The following COL21A1 variants were observed in gnomAD, a reference collection of about 807,000 sequenced individuals.
COL21A1 encodes the protein collagen alpha-1(XXI) chain.
COL21A1 carries 149 observed loss-of-function variants against 137.9 expected under a neutral mutation model. The observed-to-expected ratio is 1.08, with a 90% CI of 0.95 to 1.24. The LOEUF is 1.24. Among genes scored for constraint, COL21A1 ranks in the 50% most tolerant of loss-of-function variants. COL21A1 has a pLI of 0.00. For synonymous variants in COL21A1, 456 were observed against 391.5 expected (o/e 1.16, Z -1.95); for missense variants, 1,167 against 1,158.4 (o/e 1.01, Z -0.11).
intron 1 of COL21A1, among the ~76,000 whole-genome samples, chr6:56,351,447 GA>G (rs1326962190): frequency 1.3e-5 from 2 of 152,190 alleles, no homozygotes; most frequent in Non-Finnish European, 2.9e-5. Context: ...AAACTGTTAA[GA>G]AAATCCATCT....
intron 1 of COL21A1, among the ~76,000 whole-genome samples, chr6:56,332,949 T>C (rs920163341): frequency 1.3e-5 from 2 of 152,094 alleles, no homozygotes; most frequent in African/African-American, 4.8e-5. Context: ...CTCAATATTT[T>C]ACCAACTTGT....
intron 1 of COL21A1, among the ~76,000 whole-genome samples, chr6:56,209,305 T>C (rs1254051213): frequency 6.6e-6 from 1 of 152,112 alleles, no homozygotes; most frequent in Non-Finnish European, 1.5e-5. Flanking sequence ...AAAGAGCTTC[T>C]GCACAGCAAA....
intron 1 of COL21A1, chr6:56,276,755 C>T (rs1763667559): frequency 1.6e-6 from 2 of 1,258,540 alleles, no homozygotes; most frequent in African/African-American, 1.5e-5. Flanking sequence ...GTATCCAAAT[C>T]ATCTCTACTT....
chr6:56,199,144 T>C (rs1779216932), intron 1 of COL21A1, among the ~76,000 whole-genome samples: 1 of 152,040 alleles, frequency 6.6e-6, no homozygotes. Flanking sequence ...AGCCTGCTTG[T>C]GATGGTAACT....
chr6:56,205,255 G>A (rs1046829187), intron 1 of COL21A1, among the ~76,000 whole-genome samples: 1 of 152,122 alleles, frequency 6.6e-6, no homozygotes, highest in Admixed American at 6.5e-5. Flanking sequence ...TAGACAAATT[G>A]ATAACTAGAA....
chr6:56,180,716 A>G (rs1411444160), intron 2 of COL21A1, among the ~76,000 whole-genome samples: 2 of 152,238 alleles, frequency 1.3e-5, no homozygotes, highest in Non-Finnish European at 2.9e-5. Flanking sequence ...ACAAATGCTA[A>G]CATGCTAAAT....
At chr6:56,358,362 T>C (rs780933318) in intron 1 of COL21A1, among the ~76,000 whole-genome samples, 3 of 152,058 alleles carry the variant, frequency 2.0e-5, no homozygotes, top group Non-Finnish European at 2.9e-5. Context: ...CCAAACCAAG[T>C]TTGAGACAGA....
In COL21A1 at chr6:56,179,821, G is replaced by C; in HGVS notation, c.397C>G (p.Arg133Gly). The C allele has an allele frequency of 6.2e-7, 1 of 1,613,912 alleles. No homozygotes were observed. Among genetic ancestry groups the C allele is most frequent in the Non-Finnish European group, 8.5e-7 (1 of 1,179,866 alleles). ...ALDYLFAKSS[R>G]FLTKIAVVLT... Reference sequence around the variant, plus strand: ...ACCACTGCTATCTTAGTCAGAAATCGTGAGGACTTGGCAAAAAGGTAATCG... The same window carrying C: ...ACCACTGCTATCTTAGTCAGAAATCCTGAGGACTTGGCAAAAAGGTAATCG... The change falls in exon 3 of 30, where the codon CGA (arginine) becomes GGA (glycine). Residue 133 changes from arginine to glycine, a missense_variant. Coordinates refer to ENST00000244728, the MANE Select transcript of COL21A1 (RefSeq NM_030820.4).
At chr6:56,090,235 C>A (rs1046458936) in intron 17 of COL21A1, among the ~76,000 whole-genome samples, 3 of 151,970 alleles carry the variant, frequency 2.0e-5, no homozygotes, top group African/African-American at 4.8e-5. Flanking sequence ...AAGACTCCAT[C>A]GAAGAAAAAA....
intron 12 of COL21A1, among the ~76,000 whole-genome samples, chr6:56,141,274 C>T (rs921208157): frequency 6.6e-6 from 1 of 152,078 alleles, no homozygotes; most frequent in African/African-American, 2.4e-5. Flanking sequence ...AGAAGGAAAT[C>T]CTGTCATTTT....
At chr6:56,241,490 C>T (rs1056188726) in intron 1 of COL21A1, among the ~76,000 whole-genome samples, 1 of 152,150 alleles carries the variant, frequency 6.6e-6, no homozygotes, top group Non-Finnish European at 1.5e-5. Flanking sequence ...CATTTCAAAA[C>T]TCAGCCTAGT....
At chr6:56,147,526 C>CTAATAGTA (rs1774927242) in intron 10 of COL21A1, among the ~76,000 whole-genome samples, 1 of 151,694 alleles carries the variant, frequency 6.6e-6, no homozygotes, top group East Asian at 1.9e-4. Context: ...TATCACCAAC[C>CTAATAGTA]GAGAACTCTA....
intron 1 of COL21A1, among the ~76,000 whole-genome samples, chr6:56,289,222 A>G (rs750939655): frequency 1.3e-4 from 20 of 152,190 alleles, no homozygotes; most frequent in Non-Finnish European, 2.1e-4. Context: ...TGCATTAAGC[A>G]CCATGCTAGC....
At chr6:56,251,525 G>A (rs1267259866), upstream of COL21A1, among the ~76,000 whole-genome samples, 2 of 152,200 alleles carry the variant, frequency 1.3e-5, no homozygotes, top group African/African-American at 4.8e-5. Context: ...TTGGGATGTA[G>A]CTATGAGCAA....
chr6:56,242,806 G>A (rs952222486), intron 1 of COL21A1, among the ~76,000 whole-genome samples: 1 of 152,074 alleles, frequency 6.6e-6, no homozygotes, highest in Non-Finnish European at 1.5e-5. Context: ...TGCTTTCAGT[G>A]CTCTTTAATT....
chr6:56,129,536 C>A (rs1392948238), intron 12 of COL21A1, among the ~76,000 whole-genome samples: 2 of 152,170 alleles, frequency 1.3e-5, no homozygotes, highest in African/African-American at 4.8e-5. Context: ...ACCCACCTAA[C>A]AAATACAAAG....
At chr6:56,337,581 ATCT>A (rs1765359281) in intron 1 of COL21A1, among the ~76,000 whole-genome samples, 1 of 152,232 alleles carries the variant, frequency 6.6e-6, no homozygotes, top group Non-Finnish European at 1.5e-5. Context: ...ATTGAGGCCC[ATCT>A]TGGGCCTCCC....
chr6:56,280,616 A>G (rs1198378189), intron 1 of COL21A1, among the ~76,000 whole-genome samples: 1 of 152,218 alleles, frequency 6.6e-6, no homozygotes, highest in Non-Finnish European at 1.5e-5. Context: ...TGTGGCTTGC[A>G]TACTTCTTGA....
At chr6:56,098,341 G>A (rs1401747100) in intron 17 of COL21A1, among the ~76,000 whole-genome samples, 37 of 19,442 alleles carry the variant, frequency 1.9e-3, no homozygotes, top group South Asian at 4.7e-3. Flanking sequence ...AAACACATAT[G>A]TAAATATATA....
Sources: gnomAD v4.1 joint callset for allele counts (sites outside exome capture counted in the v4.1 genomes callset) on GRCh38, gnomAD v4.1.1 for gene constraint, MANE v1.5 for transcripts, NCBI Gene and HGNC (gene_info 2026-07-23, HGNC 2026-07-21) for gene names.